PCP4L1: variants seen among roughly 807,000 people sequenced by gnomAD.
PCP4L1 encodes the protein Purkinje cell protein 4 like 1.
In PCP4L1, 9 loss-of-function variants were observed where a neutral mutation model predicts 9.6. That is an observed-to-expected ratio of 0.94 (90% CI 0.57 to 1.64). PCP4L1 has a LOEUF of 1.64. PCP4L1 is among the 40% of genes most tolerant of loss of function. The probability of loss-of-function intolerance (pLI) is 0.00; values close to 1 mark genes in which losing one functional copy is unlikely to be tolerated. For synonymous variants in PCP4L1, 31 were observed against 28.2 expected, an observed-to-expected ratio of 1.10 and a Z score of -0.31; for missense variants, 81 against 80.8, an observed-to-expected ratio of 1.00 and a Z score of -0.01.
At chr1:161,281,445 A>G (rs1211236290) in intron 1 of PCP4L1, among the ~76,000 whole-genome samples, 1 of 144,616 alleles carries the variant, frequency 6.9e-6, no homozygotes, top group Middle Eastern at 4.1e-3. Context: ...CACCTCCCGG[A>G]CGGGGCGGCT....
Position 161,282,738 on chromosome 1 carries a change from C to T in PCP4L1, c.10-930C>T, listed in dbSNP as rs12057795. Among the ~76,000 whole-genome samples, 825 of 152,252 alleles carry T rather than the reference C, an allele frequency of 5.4e-3. 3 individuals carry two copies. Among genetic ancestry groups the T allele is most frequent in the African/African-American group, 0.019 (772 of 41,548 alleles). The stretch of plus-strand genomic sequence containing the variant: ...TCCCTGTTTTCTACATCTCAGGAAA[C>T]GGCAGCTCTATTTTTTTCAGATCAT... On this transcript the variant is annotated intron_variant, in intron 1 of 2. Transcript: ENST00000504449.
At chr1:161,262,396 T>A (rs4445488) in intron 1 of PCP4L1, among the ~76,000 whole-genome samples, 1,517 of 129,662 alleles carry the variant, frequency 0.012, 29 homozygotes, top group African/African-American at 0.042. Context: ...ATCGCACCAC[T>A]GCACTCCAGC....
chr1:161,272,096 G>A (rs141062714), intron 1 of PCP4L1, among the ~76,000 whole-genome samples: 66 of 151,514 alleles, frequency 4.4e-4, no homozygotes, highest in East Asian at 2.1e-3. Flanking sequence ...GTGAGCCACC[G>A]TGCCCTGCCT....
intron 1 of PCP4L1, among the ~76,000 whole-genome samples, chr1:161,281,514 C>A (rs1419579624): frequency 1.3e-5 from 2 of 148,836 alleles, no homozygotes; most frequent in Non-Finnish European, 3.0e-5. Context: ...CGGGCGGGGG[C>A]TGACCCCCCA....
At chr1:161,259,105 C>T (rs1444712577) in intron 1 of PCP4L1, 122 bp downstream of exon 1, 34 of 1,351,426 alleles carry the variant, frequency 2.5e-5, no homozygotes, top group Non-Finnish European at 3.0e-5. Context: ...CCTCCAGGGG[C>T]GCCCCACTGC....
intron 1 of PCP4L1, among the ~76,000 whole-genome samples, 197 bp from the exon 2 acceptor site, chr1:161,283,471 T>C (rs1324478167): frequency 6.6e-6 from 1 of 152,230 alleles, no homozygotes; most frequent in East Asian, 1.9e-4. Flanking sequence ...CTACACTTTC[T>C]AGCATCAGTA....
rs1332329871 is a variant in PCP4L1 at position 161,274,726 on chromosome 1, A to C, written c.10-8942A>C. Among the ~76,000 whole-genome samples the C allele has an allele frequency of 2.6e-5, 4 of 152,168 alleles. No individual in the cohort carries two copies. The South Asian group carries it at 8.3e-4, about 32-fold the overall frequency. The stretch of plus-strand genomic sequence containing the variant: ...AGAGGGTGGGAGCAGACAACTTGTG[A>C]TCTAACTGCCCCCACCCCTAACCTC... On this transcript the variant is annotated intron_variant, in intron 1 of 2. Coordinates refer to ENST00000504449, the MANE Select transcript of PCP4L1 (RefSeq NM_001102566.2).
Position 161,279,093 on chromosome 1 carries a change from T to G in PCP4L1, c.10-4575T>G, listed in dbSNP as rs117302326. Among the ~76,000 whole-genome samples the G allele has an allele frequency of 4.5e-3, 683 of 152,294 alleles. 29 individuals carry two copies. The East Asian group carries it at 0.076, about 17-fold the overall frequency. On this transcript the variant is annotated intron_variant, in intron 1 of 2. Transcript: ENST00000504449. ...CCACTGCATCTGGCCCATGATGATT[T>G]TTTTTACTCTTCCTTGAACATACAG...
rs193180737 is a variant in PCP4L1 at position 161,266,143 on chromosome 1, A to G, written c.9+7160A>G. Reference sequence around the variant, plus strand: ...GTCTCCTCACTGAAGGCTGATTTCTATTTCCCTCCAGGCTTATTCCCGAAG... The same window carrying G: ...GTCTCCTCACTGAAGGCTGATTTCTGTTTCCCTCCAGGCTTATTCCCGAAG... On this transcript the variant is annotated intron_variant, in intron 1 of 2. Transcript: ENST00000504449. Among the ~76,000 whole-genome samples the G allele has an allele frequency of 2.9e-3, 447 of 152,150 alleles. 5 individuals are homozygous for G. The highest frequency in any genetic ancestry group is 0.01 in the African/African-American group (426 of 41,508).
In PCP4L1 at chr1:161,268,077, C is replaced by T. The variant is rs556249711; in HGVS notation, c.9+9094C>T. On this transcript the variant is annotated intron_variant, in intron 1 of 2. Transcript: ENST00000504449. ...ATCATTTTCATGACACAAAAGTGGA[C>T]GAAAGGACTCAATCAAGGAGTATAG... 6.6e-5 allele frequency among the ~76,000 whole-genome samples: 10 copies of T among 152,246 alleles called. No individual in the cohort carries two copies. The South Asian group carries it at 8.3e-4, about 13-fold the overall frequency.
chr1:161,281,602 G>A (rs1407051752), intron 1 of PCP4L1, among the ~76,000 whole-genome samples: 2 of 151,382 alleles, frequency 1.3e-5, no homozygotes, highest in Admixed American at 6.6e-5. Flanking sequence ...CTGGCCAGGA[G>A]GGGGCTGACC....
intron 1 of PCP4L1, among the ~76,000 whole-genome samples, chr1:161,265,598 C>A (rs1180665845): frequency 3.9e-5 from 6 of 152,086 alleles, no homozygotes; most frequent in African/African-American, 1.4e-4. Flanking sequence ...GTGATGAAAT[C>A]TTACTGGGAT....
chr1:161,271,125 G>A (rs1669618821), intron 1 of PCP4L1, among the ~76,000 whole-genome samples: 1 of 152,228 alleles, frequency 6.6e-6, no homozygotes. Flanking sequence ...TATGGTAAAT[G>A]TATGCTTAAG....
chr1:161,273,741 C>CGT (rs1179924036), intron 1 of PCP4L1, among the ~76,000 whole-genome samples: 8 of 152,262 alleles, frequency 5.3e-5, no homozygotes, highest in Admixed American at 2.0e-4. Flanking sequence ...TCAATTAGAG[C>CGT]AGAAATCTGA....
At chr1:161,263,634 T>C (rs1033294979) in intron 1 of PCP4L1, among the ~76,000 whole-genome samples, 3 of 150,390 alleles carry the variant, frequency 2.0e-5, no homozygotes, top group African/African-American at 7.4e-5. Flanking sequence ...CAGGCTGGAG[T>C]ACAGTGGCAT....
chr1:161,283,719 A>G lies in PCP4L1; in HGVS notation c.61A>G (p.Lys21Glu). ...ATNQAAGQEEKGKAGNVKKAE... is the reference protein window; with the variant it reads ...ATNQAAGQEEEGKAGNVKKAE... ...CAACCAGGCAGCTGGCCAAGAGGAA[A>G]AAGGTGAGTGGGGTTGGGCTAGGCA... The change falls in exon 2 of 3, where the codon AAA becomes GAA. Residue 21 changes from lysine (K) to glutamate (E), a missense_variant. Physicochemically the swap from Lys to Glu is moderately conservative, Grantham distance 56. Transcript: ENST00000504449. 2 of 1,606,022 alleles carry G rather than the reference A, an allele frequency of 1.2e-6. No individual in the cohort carries two copies. Among genetic ancestry groups the G allele is most frequent in the Non-Finnish European group, 1.7e-6 (2 of 1,175,918 alleles).
At chr1:161,268,493 C>T (rs1669570830) in intron 1 of PCP4L1, among the ~76,000 whole-genome samples, 1 of 150,052 alleles carries the variant, frequency 6.7e-6, no homozygotes, top group South Asian at 2.1e-4. Context: ...GGAATAATAA[C>T]TATTTATTGT....
At chr1:161,277,233 A>G (rs190188878) in intron 1 of PCP4L1, among the ~76,000 whole-genome samples, 58 of 152,376 alleles carry the variant, frequency 3.8e-4, no homozygotes, top group African/African-American at 1.2e-3. Flanking sequence ...GAAAGAAAAA[A>G]TAGTTCAGTA....
At chr1:161,281,792 C>T (rs1379704036) in intron 1 of PCP4L1, among the ~76,000 whole-genome samples, 14 of 17,664 alleles carry the variant, frequency 7.9e-4, no homozygotes, top group Admixed American at 5.7e-3. Context: ...CCGGACGGGG[C>T]GGCGGGGCAG....
Sources: allele counts gnomAD v4.1 joint callset (sites outside exome capture counted in the v4.1 genomes callset), GRCh38; gene constraint gnomAD v4.1.1; transcripts MANE v1.5; gene names NCBI Gene and HGNC (gene_info 2026-07-23, HGNC 2026-07-21).